Variants in PDXDC1 observed in about 807,000 individuals in gnomAD.
PDXDC1 encodes pyridoxal dependent decarboxylase domain containing 1, also known as pyridoxal-dependent decarboxylase domain-containing protein 1.
Under a neutral mutation model 100.1 loss-of-function variants are expected in PDXDC1, and 42 were observed. The observed-to-expected ratio is 0.42, with a 90% CI of 0.33 to 0.54. The LOEUF (loss-of-function observed/expected upper bound fraction) is 0.54, where lower values mean the gene tolerates loss of function less well. Among genes scored for constraint, PDXDC1 ranks in the 20% least tolerant of loss-of-function variants. The pLI is 0.10. For synonymous variants in PDXDC1, 260 were observed against 371.7 expected (o/e 0.70, Z 3.46); for missense variants, 636 against 979.2 (o/e 0.65, Z 4.68).
At chr16:15,095,005 T>C (rs1417326764) in intron 16 of PDXDC1, among the ~76,000 whole-genome samples, 1 of 151,816 alleles carries the variant, frequency 6.6e-6, no homozygotes, top group Non-Finnish European at 1.5e-5. Context: ...ACCCGGCTAA[T>C]TTTCGTATTT....
At chr16:15,021,273 A>C (rs1458672793) in intron 12 of PDXDC1, among the ~76,000 whole-genome samples, 2 of 152,232 alleles carry the variant, frequency 1.3e-5, no homozygotes, top group Non-Finnish European at 2.9e-5. Flanking sequence ...GCTACTCAGG[A>C]GGCTGAGGTG....
At chr16:15,033,678 C>A (rs72789542) in intron 19 of PDXDC1, among the ~76,000 whole-genome samples, 43,173 of 151,814 alleles carry the variant, frequency 0.28, 6,825 homozygotes, top group Admixed American at 0.43. Flanking sequence ...GCTGGACACT[C>A]AGGCAGACAC....
In PDXDC1 at chr16:15,035,539, A is replaced by G; in HGVS notation, c.2093A>G (p.Lys698Arg). 1.9e-6 allele frequency: 3 copies of G among 1,609,026 alleles called. No individual in the cohort carries two copies. The highest frequency in any genetic ancestry group is 1.9e-4 in the Middle Eastern group (1 of 5,360). Reference sequence around the variant, plus strand: ...CCAACGCCCTCGGGCAGTCGCACCAAGCAGAGGCTTCCAGGTAAGTGACGC... The same window carrying G: ...CCAACGCCCTCGGGCAGTCGCACCAGGCAGAGGCTTCCAGGTAAGTGACGC... The part of the protein sequence containing the change: ...LPPTPSGSRT[K>R]QRLPGQKPFK... Residue 698 changes from lysine (K) to arginine (R), a missense_variant, in exon 22 of 23, where the codon AAG becomes AGG. Physicochemically the swap from Lys to Arg is conservative, Grantham distance 26. Coordinates refer to ENST00000396410, the MANE Select transcript of PDXDC1 (RefSeq NM_015027.4).
intron 16 of PDXDC1, among the ~76,000 whole-genome samples, chr16:15,077,918 C>G (rs1221672761): frequency 2.0e-5 from 3 of 152,308 alleles, no homozygotes; most frequent in Admixed American, 2.0e-4. Context: ...TGGACTAATA[C>G]AATCTCTATG....
chr16:15,104,652 G>C, intron 16 of PDXDC1: 3 of 1,597,972 alleles, frequency 1.9e-6, no homozygotes, highest in Non-Finnish European at 2.5e-6. Flanking sequence ...TTGTTGAGTT[G>C]GAGGAGGTGG....
At chr16:15,133,350 C>G in intron 16 of PDXDC1, 2 of 1,123,120 alleles carry the variant, frequency 1.8e-6, no homozygotes, top group Non-Finnish European at 2.6e-6. Flanking sequence ...AGCACACTAG[C>G]GGTGAGCCCG....
chr16:15,049,243 G>A (rs2044203990), intron 16 of PDXDC1, among the ~76,000 whole-genome samples: 1 of 152,116 alleles, frequency 6.6e-6, no homozygotes, highest in African/African-American at 2.4e-5. Flanking sequence ...TGCCCAGGCT[G>A]GTCTCAAACT....
intron 16 of PDXDC1, among the ~76,000 whole-genome samples, chr16:15,062,619 A>T (rs1348268109): frequency 6.6e-6 from 1 of 152,198 alleles, no homozygotes; most frequent in African/African-American, 2.4e-5. Context: ...AGATCTATAA[A>T]ACTAATGTAA....
At chr16:15,100,288 A>C (rs1396876953) in intron 16 of PDXDC1, among the ~76,000 whole-genome samples, 1 of 152,216 alleles carries the variant, frequency 6.6e-6, no homozygotes, top group East Asian at 1.9e-4. Flanking sequence ...TTATTGTATG[A>C]GTCAATTATC....
At position 15,030,456 on chromosome 16, in the gene PDXDC1, G is replaced by A. The variant is rs186938772; in HGVS notation, c.1399+400G>A. On this transcript the variant is annotated intron_variant, in intron 16 of 22. Coordinates refer to ENST00000396410, the MANE Select transcript of PDXDC1 (RefSeq NM_015027.4). ...AGCTACTTGGGAGGCTGAGGCAGGA[G>A]AATCACTTGAACCTGGGAGGCCGAG... 9.2e-3 allele frequency among the ~76,000 whole-genome samples: 1,169 copies of A among 126,988 alleles called. 7 individuals are homozygous for A. The highest frequency in any genetic ancestry group is 0.014 in the South Asian group (55 of 3,872). The allele number at this position is 126,988 out of a possible 152,430, so 83.3% of individuals were successfully genotyped here. A position where few individuals can be genotyped will look rare whatever the true frequency, so the allele number is the denominator to read the frequency against.
At chr16:15,133,122 C>G (rs377290171) in intron 16 of PDXDC1, 24,688 of 652,750 alleles carry the variant, frequency 0.038, 810 homozygotes, top group African/African-American at 0.12. Context: ...GGGAGCGGAA[C>G]GTCGGGGTGC....
At chr16:15,132,715 T>C (rs2048165678) in intron 16 of PDXDC1, 3 of 985,762 alleles carry the variant, frequency 3.0e-6, no homozygotes, top group Admixed American at 1.8e-5. Flanking sequence ...TGTGGGGCCA[T>C]CCTACCATGC....
At chr16:15,148,952 C>T in the PDXDC1 span, among the ~76,000 whole-genome samples, 101 of 152,308 alleles carry the variant, frequency 6.6e-4, no homozygotes, top group African/African-American at 2.2e-3. Context: ...AGTTTGCATC[C>T]GTGTCTAATA....
At chr16:15,075,435 C>A (rs1409089964) in intron 16 of PDXDC1, among the ~76,000 whole-genome samples, 5 of 151,278 alleles carry the variant, frequency 3.3e-5, no homozygotes, top group African/African-American at 9.7e-5. Flanking sequence ...TAGCTGGGTG[C>A]GGTGGTACAC....
chr16:15,129,120 T>C (rs1278245792), intron 16 of PDXDC1, among the ~76,000 whole-genome samples: 1 of 151,496 alleles, frequency 6.6e-6, no homozygotes, highest in Non-Finnish European at 1.5e-5. Flanking sequence ...TTTTTAAAAG[T>C]AGGTAATCAA....
chr16:15,133,295 T>C lies in PDXDC1; in HGVS notation c.1400-5584T>C, dbSNP rs1035574190. 62 of 1,575,748 alleles carry C rather than the reference T, an allele frequency of 3.9e-5. No homozygotes were observed. The African/African-American group carries it at 7.4e-4, about 19-fold the overall frequency. On this transcript the variant is annotated intron_variant, in intron 16 of 16. Transcript: ENST00000535621. The stretch of plus-strand genomic sequence containing the variant: ...CAGGACGGTGACCAGGGCCAGCGAG[T>C]ACTCGATGACGTGCTGGGGATCGGC...
At chr16:15,002,928 C>T (rs896160928) in intron 4 of PDXDC1, among the ~76,000 whole-genome samples, 12 of 152,312 alleles carry the variant, frequency 7.9e-5, no homozygotes, top group African/African-American at 1.2e-4. Flanking sequence ...AACCAAGTGA[C>T]GTGTCTTTTT....
At chr16:15,042,234 G>A (rs2043850276), downstream of PDXDC1, among the ~76,000 whole-genome samples, 2 of 145,948 alleles carry the variant, frequency 1.4e-5, no homozygotes, top group African/African-American at 5.1e-5. Flanking sequence ...CACCCAGGCT[G>A]GAGTGCAGTG....
chr16:14,993,387 G>A (rs1286991569), intron 1 of PDXDC1, among the ~76,000 whole-genome samples: 14 of 149,904 alleles, frequency 9.3e-5, no homozygotes, highest in Admixed American at 1.4e-4. Flanking sequence ...GTGAGAACAC[G>A]CGGTGTTTGG....
Sources: gnomAD v4.1 joint callset for allele counts (sites outside exome capture counted in the v4.1 genomes callset) on GRCh38, gnomAD v4.1.1 for gene constraint, MANE v1.5 for transcripts, NCBI Gene and HGNC (gene_info 2026-07-23, HGNC 2026-07-21) for gene names.